The following INTS8 variants were observed in gnomAD, a reference collection of about 807,000 sequenced individuals.
The protein encoded by INTS8 is integrator complex subunit 8.
A neutral mutation model predicts 138.9 loss-of-function variants in INTS8; 47 were observed. The observed-to-expected ratio is 0.34, with a 90% CI of 0.27 to 0.43. INTS8 has a LOEUF of 0.43. Ranked by LOEUF, INTS8 falls within the 20% of genes least tolerant of loss-of-function variation. INTS8 has a pLI of 1.00. For missense variants in INTS8, 996 were observed against 1,173.0 expected, an observed-to-expected ratio of 0.85 and a Z score of 2.20; for synonymous variants, 392 against 400.9, an observed-to-expected ratio of 0.98 and a Z score of 0.27.
At chr8:94,854,233 T>C (rs1400873221) in intron 14 of INTS8, among the ~76,000 whole-genome samples, 1 of 148,420 alleles carries the variant, frequency 6.7e-6, no homozygotes, top group Non-Finnish European at 1.5e-5. Context: ...AAGAAAAGAA[T>C]ATGCTTTACT....
chr8:94,873,051 C>A (rs1816452100), intron 21 of INTS8, among the ~76,000 whole-genome samples: 1 of 152,138 alleles, frequency 6.6e-6, no homozygotes, highest in Non-Finnish European at 1.5e-5. Context: ...CCACCCCAGC[C>A]CCCAAAAGAA....
intron 10 of INTS8, among the ~76,000 whole-genome samples, chr8:94,846,486 C>T (rs1182499011): frequency 6.6e-6 from 1 of 152,130 alleles, no homozygotes; most frequent in African/African-American, 2.4e-5. Context: ...GTTGGTCAGG[C>T]AGGTCTCGAA....
Position 94,823,379 on chromosome 8 carries a change from G to A in INTS8, c.-53G>A. The A allele has an allele frequency of 4.0e-6, 6 of 1,505,678 alleles. No individual in the cohort carries two copies. Among genetic ancestry groups the A allele is most frequent in the South Asian group, 1.3e-5 (1 of 77,962 alleles). 93.3% of individuals were successfully genotyped at this position (1,505,678 alleles called of 1,614,324 possible). On this transcript the variant is annotated 5_prime_UTR_variant, in exon 1 of 27. The change creates a new upstream start codon in the 5' untranslated region. Transcript: ENST00000523731. The stretch of plus-strand genomic sequence containing the variant: ...ACCCCAGGCACCGGCCCGCATCCAA[G>A]TGTCAGGTTGGAGCCGGGAAGCGGC...
At chr8:94,825,624 A>G (rs1814470713) in intron 2 of INTS8, among the ~76,000 whole-genome samples, 1 of 152,108 alleles carries the variant, frequency 6.6e-6, no homozygotes, top group South Asian at 2.1e-4. Context: ...TTGCTGTTGA[A>G]TAATTGAGTT....
chr8:94,874,590 T>C lies in INTS8; in HGVS notation c.2676T>C (p.Asn892=). 1 of 1,577,486 alleles carries C rather than the reference T, an allele frequency of 6.3e-7. No homozygotes were observed. Among genetic ancestry groups the C allele is most frequent in the South Asian group, 1.1e-5 (1 of 90,136 alleles). ...TGATAAAATGTTGTTCTTTGCTGAA[T>C]TGCCACACACAGGTTAGTTTATAAT... The part of the protein sequence containing the change: ...KRMIKCCSLL[N]CHTQVAILCQ... Residue 892 remains asparagine, a synonymous_variant, in exon 23 of 27, where the codon AAT becomes AAC. Transcript: ENST00000523731.
chr8:94,872,268 C>T (rs1816424529), intron 21 of INTS8, among the ~76,000 whole-genome samples: 1 of 151,854 alleles, frequency 6.6e-6, no homozygotes, highest in South Asian at 2.1e-4. Context: ...GAGTCTTGTT[C>T]TGTTGCCCAG....
chr8:94,864,712 A>T (rs567532444), intron 16 of INTS8: 95 of 152,356 alleles, frequency 6.2e-4, no homozygotes, highest in Non-Finnish European at 1.1e-3. Context: ...GCCTCCAAAA[A>T]GAAAAGAAAA....
At chr8:94,832,856 G>T (rs1254566744) in intron 6 of INTS8, among the ~76,000 whole-genome samples, 1 of 151,948 alleles carries the variant, frequency 6.6e-6, no homozygotes, top group Admixed American at 6.6e-5. Context: ...GGGTTTCACC[G>T]TGTTGGCCAG....
At chr8:94,832,787 T>C (rs538503504) in intron 6 of INTS8, among the ~76,000 whole-genome samples, 13 of 152,072 alleles carry the variant, frequency 8.5e-5, no homozygotes, top group Admixed American at 5.2e-4. Flanking sequence ...CCCGAGTAGC[T>C]GGGACTACAG....
chr8:94,857,195 C>G (rs1815783682), intron 15 of INTS8, among the ~76,000 whole-genome samples: 1 of 151,274 alleles, frequency 6.6e-6, no homozygotes, highest in Admixed American at 6.6e-5. Context: ...GCCTCAGCCT[C>G]CTCAGTTGCT....
intron 25 of INTS8, 63 bp downstream of exon 25, chr8:94,876,348 T>G: frequency 6.9e-7 from 1 of 1,446,110 alleles, no homozygotes; most frequent in Non-Finnish European, 9.6e-7. Context: ...AAGGAATATT[T>G]AATATTGTAT....
intron 5 of INTS8, among the ~76,000 whole-genome samples, chr8:94,830,548 A>C (rs969728186): frequency 6.6e-6 from 1 of 152,206 alleles, no homozygotes; most frequent in Non-Finnish European, 1.5e-5. Context: ...CCCAGGCTAC[A>C]GTGCAGTGGC....
chr8:94,844,692 C>T (rs1007284048), intron 10 of INTS8, among the ~76,000 whole-genome samples: 3 of 150,756 alleles, frequency 2.0e-5, no homozygotes, highest in African/African-American at 7.3e-5. Flanking sequence ...TATATATATT[C>T]TCTTTTTTAC....
At chr8:94,834,224 T>C (rs879319139) in intron 6 of INTS8, among the ~76,000 whole-genome samples, 2 of 152,222 alleles carry the variant, frequency 1.3e-5, no homozygotes, top group Non-Finnish European at 2.9e-5. Flanking sequence ...TGAGCACCTC[T>C]TAACCTCTAA....
chr8:94,837,428 G>A (rs1168697208), intron 7 of INTS8, among the ~76,000 whole-genome samples: 1 of 151,876 alleles, frequency 6.6e-6, no homozygotes, highest in Non-Finnish European at 1.5e-5. Flanking sequence ...ATGCCCTAGA[G>A]GTTTAAATGC....
In INTS8 at chr8:94,832,010, G is replaced by T; in HGVS notation, c.589G>T (p.Asp197Tyr). 6.3e-7 allele frequency: 1 copy of T among 1,599,620 alleles called. No individual in the cohort carries two copies. Among genetic ancestry groups the T allele is most frequent in the Admixed American group, 1.8e-5 (1 of 55,830 alleles). ...TCTGTAGCTCAAAGAACAAGCTGCTGATTCTATTTTGGTACTAGAAGCAGC... is the reference window on the plus strand; with the variant it reads ...TCTGTAGCTCAAAGAACAAGCTGCTTATTCTATTTTGGTACTAGAAGCAGC... ...ILKVLKEQAA[D>Y]SILVLEAALK... The change falls in exon 6 of 27, where the codon GAT becomes TAT. Residue 197 changes from aspartate (D) to tyrosine (Y), a missense_variant. Physicochemically the swap from Asp to Tyr is radical, Grantham distance 160. Coordinates refer to ENST00000523731, the MANE Select transcript of INTS8 (RefSeq NM_017864.4).
chr8:94,875,961 C>A (rs1368660512), intron 23 of INTS8, 113 bp from the exon 24 acceptor site: 1 of 749,598 alleles, frequency 1.3e-6, no homozygotes. Context: ...GAATCCATAA[C>A]TATGAGCGGA....
chr8:94,831,063 T>C (rs1045298156), intron 5 of INTS8, among the ~76,000 whole-genome samples: 1 of 152,194 alleles, frequency 6.6e-6, no homozygotes, highest in Non-Finnish European at 1.5e-5. Flanking sequence ...CCTAAAGTGC[T>C]GGGATTACAG....
chr8:94,854,937 C>A (rs1815690537), intron 14 of INTS8, among the ~76,000 whole-genome samples: 1 of 145,062 alleles, frequency 6.9e-6, no homozygotes, highest in African/African-American at 2.6e-5. Context: ...GCAGAGACAG[C>A]ATCTCCTTAT....
Sources: allele counts gnomAD v4.1 joint callset (sites outside exome capture counted in the v4.1 genomes callset), GRCh38; gene constraint gnomAD v4.1.1; transcripts MANE v1.5; gene names NCBI Gene and HGNC (gene_info 2026-07-23, HGNC 2026-07-21).